The following ME3 variants were observed in gnomAD, a reference collection of about 807,000 sequenced individuals.
ME3 encodes the protein malic enzyme 3, also known as NADP-dependent malic enzyme, mitochondrial.
Under a neutral mutation model 68.9 loss-of-function variants are expected in ME3, and 48 were observed. The ratio of observed to expected loss-of-function variants is 0.70; its 90% CI spans 0.55 to 0.89. ME3 has a LOEUF of 0.89. ME3 is among the 40% of genes least tolerant of loss of function. ME3 has a pLI of 0.00. For synonymous variants in ME3, 320 were observed against 318.8 expected, an observed-to-expected ratio of 1.00 and a Z score of -0.04; for missense variants, 675 against 797.4, an observed-to-expected ratio of 0.85 and a Z score of 1.85.
rs186254241 is a variant in ME3 at position 86,639,455 on chromosome 11, T to A, written c.183+32307A>T. Among the ~76,000 whole-genome samples, 3 of 152,320 alleles carry A rather than the reference T, an allele frequency of 2.0e-5. No homozygotes were observed. The East Asian group carries it at 5.8e-4, about 29-fold the overall frequency. On this transcript the variant is annotated intron_variant, in intron 2 of 14. Transcript: ENST00000543262. ...TAAACATCTCCCCCACACATTGCCATAACCAGTTCCTCCTGGCACAAAAAC... is the reference window on the plus strand; with the variant it reads ...TAAACATCTCCCCCACACATTGCCAAAACCAGTTCCTCCTGGCACAAAAAC...
At chr11:86,555,517 G>A (rs2139437363) in intron 4 of ME3, among the ~76,000 whole-genome samples, 1 of 152,254 alleles carries the variant, frequency 6.6e-6, no homozygotes, top group Admixed American at 6.5e-5. Context: ...CAAAAGCTTA[G>A]CTGTTCTGAG....
At chr11:86,666,860 G>T (rs1221181970) in intron 2 of ME3, among the ~76,000 whole-genome samples, 1 of 152,130 alleles carries the variant, frequency 6.6e-6, no homozygotes, top group Non-Finnish European at 1.5e-5. Context: ...AACATCTCCT[G>T]ATTGATGAGC....
At chr11:86,472,154 A>G (rs1037107226) in intron 7 of ME3, among the ~76,000 whole-genome samples, 1 of 152,080 alleles carries the variant, frequency 6.6e-6, no homozygotes, top group Non-Finnish European at 1.5e-5. Flanking sequence ...ATGCATGAGG[A>G]CTGAGTGAGT....
At chr11:86,625,396 T>C (rs1943600330) in intron 2 of ME3, among the ~76,000 whole-genome samples, 1 of 151,760 alleles carries the variant, frequency 6.6e-6, no homozygotes. Flanking sequence ...ACAGGAACAA[T>C]GATGAATTTG....
At chr11:86,452,802 T>C (rs1334974113) in intron 8 of ME3, among the ~76,000 whole-genome samples, 1 of 152,128 alleles carries the variant, frequency 6.6e-6, no homozygotes, top group Non-Finnish European at 1.5e-5. Context: ...GATAACAGAG[T>C]TTTCAAATGT....
At chr11:86,582,419 T>C (rs1958492044) in intron 2 of ME3, among the ~76,000 whole-genome samples, 1 of 152,208 alleles carries the variant, frequency 6.6e-6, no homozygotes. Flanking sequence ...CAGGGCTTTT[T>C]ACCTGCACCC....
At chr11:86,656,373 G>A (rs1832797754) in intron 2 of ME3, among the ~76,000 whole-genome samples, 2 of 151,844 alleles carry the variant, frequency 1.3e-5, no homozygotes, top group African/African-American at 4.8e-5. Context: ...TGATAGACTG[G>A]ATTAAGAAAA....
At chr11:86,462,711 G>T (rs1380807084) in intron 8 of ME3, 1 of 646,096 alleles carries the variant, frequency 1.5e-6, no homozygotes. Flanking sequence ...CATGGTTCTT[G>T]CCTCCAGAAG....
chr11:86,439,854 A>G (rs184315241), downstream of ME3, among the ~76,000 whole-genome samples: 43 of 152,304 alleles, frequency 2.8e-4, no homozygotes, highest in Admixed American at 1.6e-3. Flanking sequence ...ATGATGTAAA[A>G]AGGTAGTGTC....
chr11:86,648,216 C>T (rs1236961294), intron 2 of ME3, among the ~76,000 whole-genome samples: 1 of 152,082 alleles, frequency 6.6e-6, no homozygotes, highest in Non-Finnish European at 1.5e-5. Context: ...CCAGTGAGAA[C>T]AAAGATATAA....
intron 4 of ME3, among the ~76,000 whole-genome samples, chr11:86,546,690 A>G (rs1956377848): frequency 6.6e-6 from 1 of 152,160 alleles, no homozygotes; most frequent in Non-Finnish European, 1.5e-5. Context: ...GGATATGGAG[A>G]AATAGGAACG....
chr11:86,659,506 T>G (rs974473884), intron 2 of ME3, among the ~76,000 whole-genome samples: 3 of 152,212 alleles, frequency 2.0e-5, no homozygotes, highest in African/African-American at 7.2e-5. Flanking sequence ...GCCCAAAGCC[T>G]AAATGCTAGT....
chr11:86,453,033 C>T (rs886611541), intron 8 of ME3, among the ~76,000 whole-genome samples: 3 of 152,038 alleles, frequency 2.0e-5, no homozygotes, highest in Non-Finnish European at 2.9e-5. Context: ...GAATCTCACT[C>T]GGTCGCCCAG....
intron 4 of ME3, among the ~76,000 whole-genome samples, chr11:86,545,347 G>C (rs1052768674): frequency 2.0e-5 from 3 of 152,074 alleles, no homozygotes; most frequent in Admixed American, 6.6e-5. Flanking sequence ...AGAAATAAAG[G>C]GTATTCAAAT....
intron 2 of ME3, among the ~76,000 whole-genome samples, chr11:86,637,812 C>A (rs557161880): frequency 6.6e-6 from 1 of 152,008 alleles, no homozygotes; most frequent in African/African-American, 2.4e-5. Flanking sequence ...AATGGAGATA[C>A]GGAGACCATA....
chr11:86,482,942 A>G (rs1190764541), intron 7 of ME3, among the ~76,000 whole-genome samples: 1 of 152,218 alleles, frequency 6.6e-6, no homozygotes, highest in African/African-American at 2.4e-5. Context: ...AGCAAATAAA[A>G]TGTTAAGCCA....
At chr11:86,519,238 T>C (rs1485280913) in intron 4 of ME3, among the ~76,000 whole-genome samples, 2 of 152,210 alleles carry the variant, frequency 1.3e-5, no homozygotes, top group Non-Finnish European at 2.9e-5. Context: ...TGAAGTTTCC[T>C]CCATCTGACA....
At chr11:86,541,316 AGG>A (rs994437041) in intron 4 of ME3, among the ~76,000 whole-genome samples, 29 of 152,130 alleles carry the variant, frequency 1.9e-4, no homozygotes, top group African/African-American at 6.5e-4. Flanking sequence ...TTGCCTGGAA[AGG>A]GGGCTGAAGC....
At chr11:86,466,565 G>T (rs1170128324) in intron 7 of ME3, among the ~76,000 whole-genome samples, 2 of 152,166 alleles carry the variant, frequency 1.3e-5, no homozygotes, top group African/African-American at 2.4e-5. Context: ...TGTGCTCTCG[G>T]GGCATCTTTC....
Sources: gnomAD v4.1 joint callset for allele counts (sites outside exome capture counted in the v4.1 genomes callset) on GRCh38, gnomAD v4.1.1 for gene constraint, MANE v1.5 for transcripts, NCBI Gene and HGNC (gene_info 2026-07-23, HGNC 2026-07-21) for gene names.